The following PLCL2 variants were observed in gnomAD, a reference collection of about 807,000 sequenced individuals.
The protein encoded by PLCL2 is phospholipase C like 2.
A neutral mutation model predicts 79.6 loss-of-function variants in PLCL2; 4 were observed. That is an observed-to-expected ratio of 0.05 (90% CI 0.02 to 0.11). The LOEUF (loss-of-function observed/expected upper bound fraction) is 0.11, where lower values mean the gene tolerates loss of function less well. Among genes scored for constraint, PLCL2 ranks in the 10% least tolerant of loss-of-function variants. PLCL2 has a pLI of 1.00. For missense variants in PLCL2, 895 were observed against 1,291.0 expected, an observed-to-expected ratio of 0.69 and a Z score of 4.70; for synonymous variants, 484 against 457.7, an observed-to-expected ratio of 1.06 and a Z score of -0.73.
intron 4 of PLCL2, among the ~76,000 whole-genome samples, chr3:17,059,440 A>ATG (rs1553649905): frequency 6.7e-5 from 9 of 134,648 alleles, no homozygotes; most frequent in Non-Finnish European, 9.4e-5. Context: ...GTATATATAT[A>ATG]TGTGTGTGTG....
chr3:16,980,502 G>T (rs1483385880), intron 1 of PLCL2, among the ~76,000 whole-genome samples: 1 of 150,074 alleles, frequency 6.7e-6, no homozygotes, highest in Non-Finnish European at 1.5e-5. Context: ...CGGACGGGGC[G>T]GCAGGGCAGA....
At chr3:16,966,853 C>T (rs911625601) in intron 1 of PLCL2, among the ~76,000 whole-genome samples, 1 of 151,896 alleles carries the variant, frequency 6.6e-6, no homozygotes, top group Admixed American at 6.6e-5. Flanking sequence ...GTTTGATGTG[C>T]AAATTATTTC....
chr3:16,924,163 T>G (rs562012198), intron 1 of PLCL2, among the ~76,000 whole-genome samples: 28 of 152,336 alleles, frequency 1.8e-4, no homozygotes, highest in African/African-American at 5.8e-4. Context: ...TGGGCAATAC[T>G]TCATCCCTTT....
At chr3:17,045,263 C>A (rs562727644) in intron 4 of PLCL2, among the ~76,000 whole-genome samples, 2 of 152,094 alleles carry the variant, frequency 1.3e-5, no homozygotes, top group African/African-American at 4.8e-5. Context: ...AGATGTATTT[C>A]GAATTTTAAA....
At chr3:17,088,752 C>T (rs890916086) in intron 5 of PLCL2, among the ~76,000 whole-genome samples, 1 of 152,106 alleles carries the variant, frequency 6.6e-6, no homozygotes, top group East Asian at 1.9e-4. Flanking sequence ...AAGACAGCTC[C>T]CCACCTCCAA....
At chr3:17,058,851 T>C (rs1028348874) in intron 4 of PLCL2, among the ~76,000 whole-genome samples, 6 of 152,132 alleles carry the variant, frequency 3.9e-5, no homozygotes, top group Non-Finnish European at 8.8e-5. Flanking sequence ...TTCAAGGAGA[T>C]ACCATTTTTC....
chr3:16,963,493 T>C (rs569021001), intron 1 of PLCL2, among the ~76,000 whole-genome samples: 2 of 152,238 alleles, frequency 1.3e-5, no homozygotes, highest in South Asian at 4.1e-4. Flanking sequence ...ATAATAAAAT[T>C]GCATGTTCTG....
intron 1 of PLCL2, among the ~76,000 whole-genome samples, chr3:16,976,678 C>T (rs1309480038): frequency 2.6e-5 from 4 of 152,180 alleles, no homozygotes; most frequent in Non-Finnish European, 5.9e-5. Context: ...ACATTGTCAT[C>T]TCTTAAAGGA....
At chr3:16,889,483 G>T (rs1696299186) in intron 1 of PLCL2, among the ~76,000 whole-genome samples, 1 of 152,202 alleles carries the variant, frequency 6.6e-6, no homozygotes, top group African/African-American at 2.4e-5. Flanking sequence ...CACCCGTTGT[G>T]GCTGCTTGAC....
Position 17,089,941 on chromosome 3 carries a change from TTA to T in PLCL2, c.*32_*33del. 6.2e-7 allele frequency: 1 copy of T among 1,602,544 alleles called. No individual in the cohort carries two copies. The highest frequency in any genetic ancestry group is 1.3e-5 in the African/African-American group (1 of 74,426). ...AACTTACAATAAACCATTATGGAGT[TTA>T]TAACTCTAGGACCAATTGTAGTCAG... On this transcript the variant is annotated 3_prime_UTR_variant, in exon 6 of 6. Transcript: ENST00000615277.
chr3:16,898,048 C>T (rs944383018), intron 1 of PLCL2, among the ~76,000 whole-genome samples: 1 of 152,082 alleles, frequency 6.6e-6, no homozygotes, highest in African/African-American at 2.4e-5. Context: ...AGCTTGTGCC[C>T]CTCACTTGTC....
At chr3:16,958,601 T>C (rs1158318121) in intron 1 of PLCL2, among the ~76,000 whole-genome samples, 1 of 152,174 alleles carries the variant, frequency 6.6e-6, no homozygotes, top group Non-Finnish European at 1.5e-5. Flanking sequence ...AGAAAAAAAC[T>C]AATGGACCAA....
At chr3:16,939,701 C>T (rs1697631623) in intron 1 of PLCL2, among the ~76,000 whole-genome samples, 1 of 152,208 alleles carries the variant, frequency 6.6e-6, no homozygotes, top group South Asian at 2.1e-4. Flanking sequence ...TATAGAGCCT[C>T]TGAATATACA....
chr3:17,071,234 T>C (rs1260108034), intron 5 of PLCL2, among the ~76,000 whole-genome samples: 4 of 152,200 alleles, frequency 2.6e-5, no homozygotes, highest in Non-Finnish European at 5.9e-5. Flanking sequence ...TTGATCACCC[T>C]GAGAGGAGTT....
intron 1 of PLCL2, among the ~76,000 whole-genome samples, chr3:16,944,782 CAG>C (rs1342490706): frequency 6.7e-6 from 1 of 149,650 alleles, no homozygotes; most frequent in African/African-American, 2.5e-5. Flanking sequence ...TTATTTGAGA[CAG>C]AGTCTCCTTC....
intron 3 of PLCL2, among the ~76,000 whole-genome samples, chr3:17,034,293 G>T (rs967478518): frequency 6.6e-6 from 1 of 152,144 alleles, no homozygotes; most frequent in African/African-American, 2.4e-5. Flanking sequence ...TCCAGGGTGG[G>T]TTCCCCCTTT....
Position 17,067,425 on chromosome 3 carries a change from GT to G in PLCL2, c.3095-530del, listed in dbSNP as rs551646863. ...TTATTTATTTATTATATAAATTCTG[GT>G]GTAGAATAAATGCAGAGTTAGAGTT... On this transcript the variant is annotated intron_variant, in intron 4 of 5. Coordinates refer to ENST00000615277, the MANE Select transcript of PLCL2 (RefSeq NM_001144382.2). Among the ~76,000 whole-genome samples, 31 of 152,260 alleles carry G rather than the reference GT, an allele frequency of 2.0e-4. No homozygotes were observed. In the South Asian group the frequency reaches 6.4e-3, roughly 32 times the overall value.
chr3:17,043,538 A>G (rs1211417940), intron 4 of PLCL2, among the ~76,000 whole-genome samples: 1 of 152,150 alleles, frequency 6.6e-6, no homozygotes. Flanking sequence ...GCATTGTAAT[A>G]AAAATACACA....
rs966360302 is a variant in PLCL2, at chr3:17,079,549, A to G, written c.3205-10184A>G. Among the ~76,000 whole-genome samples, 3 of 152,306 alleles carry G rather than the reference A, an allele frequency of 2.0e-5. 1 individual carries two copies. Among genetic ancestry groups the G allele is most frequent in the South Asian group, 4.1e-4 (2 of 4,824 alleles). On this transcript the variant is annotated intron_variant, in intron 5 of 5. Transcript: ENST00000615277. ...TCCAGAGGTGCCATATGTTGGAGTC[A>G]CGGTCACTCCTCTGTGGCAGGCAGC...
Sources: gnomAD v4.1 joint callset for allele counts (sites outside exome capture counted in the v4.1 genomes callset) on GRCh38, gnomAD v4.1.1 for gene constraint, MANE v1.5 for transcripts, NCBI Gene and HGNC (gene_info 2026-07-23, HGNC 2026-07-21) for gene names.